The following WWOX variants were observed in gnomAD, a reference collection of about 807,000 sequenced individuals.
WWOX encodes the protein WW domain-containing oxidoreductase.
WWOX carries 69 observed loss-of-function variants against 46.2 expected under a neutral mutation model. The observed-to-expected ratio is 1.49, with a 90% confidence interval of 1.23 to 1.82. The LOEUF (loss-of-function observed/expected upper bound fraction) is 1.82. Ranked by LOEUF, WWOX falls within the 40% of genes most tolerant of loss-of-function variation. The pLI is 0.00. For synonymous variants in WWOX, 359 were observed against 202.6 expected (o/e 1.77, Z -6.56); for missense variants, 919 against 542.6 (o/e 1.69, Z -6.89).
At chr16:79,008,710 C>A (rs911567780) in intron 8 of WWOX, among the ~76,000 whole-genome samples, 4 of 152,202 alleles carry the variant, frequency 2.6e-5, no homozygotes, top group Non-Finnish European at 4.4e-5. Flanking sequence ...CCTCCAGCAC[C>A]TGGCCTTCAC....
chr16:78,575,045 ATATAT>A (rs2044832264), intron 8 of WWOX, among the ~76,000 whole-genome samples: 10 of 7,164 alleles, frequency 1.4e-3, no homozygotes, highest in Non-Finnish European at 2.4e-3. Context: ...ATATATATAT[ATATAT>A]ATATATATAT....
chr16:78,867,760 T>C (rs2737288), intron 8 of WWOX, among the ~76,000 whole-genome samples: 75,746 of 151,844 alleles, frequency 0.5, 20,271 homozygotes, highest in Middle Eastern at 0.61. Flanking sequence ...CTGTAAATTG[T>C]GGAACTAATT....
chr16:79,005,807 G>T lies in WWOX; in HGVS notation c.1057-205801G>T, dbSNP rs141894007. 3.2e-3 allele frequency among the ~76,000 whole-genome samples: 489 copies of T among 152,198 alleles called. 6 individuals carry two copies. Among genetic ancestry groups the T allele is most frequent in the African/African-American group, 0.011 (461 of 41,518 alleles). On this transcript the variant is annotated intron_variant, in intron 8 of 8. Transcript: ENST00000566780. ...GGCCCTGGGTGGACATGCATTTTAGGGACCCTTTCAGGCCACCATATATGG... is the reference window on the plus strand; with the variant it reads ...GGCCCTGGGTGGACATGCATTTTAGTGACCCTTTCAGGCCACCATATATGG...
At chr16:78,754,726 A>G (rs542242970) in intron 8 of WWOX, among the ~76,000 whole-genome samples, 1 of 152,268 alleles carries the variant, frequency 6.6e-6, no homozygotes, top group South Asian at 2.1e-4. Context: ...TTCTTGAAAT[A>G]AGAAAAAAAG....
intron 5 of WWOX, among the ~76,000 whole-genome samples, chr16:78,360,606 G>T (rs1189738862): frequency 4.1e-5 from 2 of 48,504 alleles, no homozygotes; most frequent in East Asian, 2.3e-4. Flanking sequence ...AAAAGTTGCA[G>T]AAATAGCAAT....
intron 8 of WWOX, among the ~76,000 whole-genome samples, chr16:79,116,378 A>C (rs774548845): frequency 1.1e-4 from 16 of 152,334 alleles, no homozygotes; most frequent in Non-Finnish European, 2.2e-4. Flanking sequence ...AGTTCTCTCA[A>C]ACTCGCCACT....
chr16:78,383,452 C>T (rs1414078214), intron 5 of WWOX, among the ~76,000 whole-genome samples: 2 of 152,122 alleles, frequency 1.3e-5, no homozygotes, highest in Non-Finnish European at 2.9e-5. Context: ...TGGTCAGTTG[C>T]AGATTCACTG....
chr16:78,743,440 C>A (rs1471877061), intron 8 of WWOX, among the ~76,000 whole-genome samples: 1 of 151,798 alleles, frequency 6.6e-6, no homozygotes, highest in South Asian at 2.1e-4. Flanking sequence ...CGGTGTCTAC[C>A]CTCAAGAAGC....
intron 8 of WWOX, among the ~76,000 whole-genome samples, chr16:78,627,165 T>A (rs1567446901): frequency 6.6e-6 from 1 of 152,122 alleles, no homozygotes; most frequent in Non-Finnish European, 1.5e-5. Context: ...GGGTGAGTTC[T>A]CCCACTTTAC....
chr16:78,732,202 A>G (rs374136688), intron 8 of WWOX, among the ~76,000 whole-genome samples: 9 of 152,090 alleles, frequency 5.9e-5, no homozygotes, highest in African/African-American at 1.9e-4. Flanking sequence ...ACTTATTACT[A>G]TGTAGAATAT....
intron 8 of WWOX, among the ~76,000 whole-genome samples, chr16:78,997,683 C>T (rs1437682551): frequency 1.3e-5 from 2 of 152,090 alleles, no homozygotes; most frequent in South Asian, 2.1e-4. Flanking sequence ...CCTCCCCTCC[C>T]TTCCTTTCCC....
At chr16:78,372,846 A>G (rs766771261) in intron 5 of WWOX, among the ~76,000 whole-genome samples, 1 of 152,132 alleles carries the variant, frequency 6.6e-6, no homozygotes, top group Non-Finnish European at 1.5e-5. Flanking sequence ...CTAATTTGTT[A>G]TCATCATGCC....
At chr16:78,795,182 A>G (rs1307675833) in intron 8 of WWOX, among the ~76,000 whole-genome samples, 1 of 152,206 alleles carries the variant, frequency 6.6e-6, no homozygotes, top group Non-Finnish European at 1.5e-5. Context: ...AAAAGGTGCC[A>G]GATATTGTGC....
chr16:78,203,791 C>T (rs1301445444), intron 5 of WWOX, among the ~76,000 whole-genome samples: 2 of 152,190 alleles, frequency 1.3e-5, no homozygotes, highest in Non-Finnish European at 2.9e-5. Flanking sequence ...ATTTTCCTCA[C>T]TGGTGTGGTC....
At chr16:78,832,838 C>T (rs1201793463) in intron 8 of WWOX, among the ~76,000 whole-genome samples, 1 of 152,154 alleles carries the variant, frequency 6.6e-6, no homozygotes, top group Non-Finnish European at 1.5e-5. Flanking sequence ...CCCCCAAAGA[C>T]AGATGACATC....
intron 8 of WWOX, among the ~76,000 whole-genome samples, chr16:79,141,334 A>G (rs966961453): frequency 4.6e-5 from 7 of 152,116 alleles, no homozygotes; most frequent in Non-Finnish European, 1.0e-4. Context: ...TCTCCCTAGA[A>G]TGTGTACAAC....
chr16:78,618,242 C>G (rs577855436), intron 8 of WWOX, among the ~76,000 whole-genome samples: 4 of 152,316 alleles, frequency 2.6e-5, no homozygotes, highest in South Asian at 4.1e-4. Context: ...TGGAAAAGCA[C>G]TGACGCAGTT....
chr16:78,809,138 C>G lies in WWOX; in HGVS notation c.1056+376386C>G, dbSNP rs183059478. ...GTTTCTGTCTGTTCTCCCCCTGCAC[C>G]CTTCTCAGATGCAATCTCAAGTCAT... On this transcript the variant is annotated intron_variant, in intron 8 of 8. Transcript: ENST00000566780. Among the ~76,000 whole-genome samples the G allele has an allele frequency of 9.2e-4, 140 of 151,834 alleles. 2 individuals carry two copies. The highest frequency in any genetic ancestry group is 3.4e-3 in the Middle Eastern group (1 of 294).
chr16:78,100,677 G>C (rs1238761367), intron 1 of WWOX, among the ~76,000 whole-genome samples: 1 of 152,188 alleles, frequency 6.6e-6, no homozygotes, highest in African/African-American at 2.4e-5. Context: ...GTTTAATCTT[G>C]GTTTTTTCAC....
Sources: gnomAD v4.1 joint callset for allele counts (sites outside exome capture counted in the v4.1 genomes callset) on GRCh38, gnomAD v4.1.1 for gene constraint, MANE v1.5 for transcripts, NCBI Gene and HGNC (gene_info 2026-07-23, HGNC 2026-07-21) for gene names.